Variants in TAFA5 observed in about 807,000 individuals in gnomAD.
TAFA5 encodes TAFA chemokine like family member 5.
In TAFA5, 6 loss-of-function variants were observed where a neutral mutation model predicts 15.3. The observed-to-expected ratio is 0.39, with a 90% CI of 0.21 to 0.77. The LOEUF is 0.77. TAFA5 is among the 30% of genes least tolerant of loss of function. The pLI, the probability that TAFA5 is intolerant of heterozygous loss-of-function variation, is 0.41. For synonymous variants in TAFA5, 103 were observed against 80.7 expected (o/e 1.28, Z -1.48); for missense variants, 161 against 193.1 (o/e 0.83, Z 0.98).
chr22:48,695,513 C>A (rs781702319), intron 2 of TAFA5, among the ~76,000 whole-genome samples: 4 of 152,208 alleles, frequency 2.6e-5, no homozygotes, highest in Non-Finnish European at 5.9e-5. Flanking sequence ...CACCTCGGGG[C>A]TTGGGTGTTG....
At chr22:48,684,092 C>T (rs955050861) in intron 2 of TAFA5, among the ~76,000 whole-genome samples, 3 of 152,010 alleles carry the variant, frequency 2.0e-5, no homozygotes, top group African/African-American at 7.2e-5. Flanking sequence ...TTATGATTTT[C>T]CCAAGGCCCC....
intron 1 of TAFA5, among the ~76,000 whole-genome samples, chr22:48,606,716 C>T (rs1925206345): frequency 6.6e-6 from 1 of 152,198 alleles, no homozygotes; most frequent in Admixed American, 6.5e-5. Flanking sequence ...TTAGCGATCG[C>T]TGCTTAGGAG....
intron 3 of TAFA5, among the ~76,000 whole-genome samples, chr22:48,731,802 A>G (rs116391505): frequency 0.011 from 1,675 of 152,358 alleles, 29 homozygotes; most frequent in African/African-American, 0.038. Flanking sequence ...TGCTGTGTTC[A>G]TGCTGCTAAC....
At chr22:48,621,039 C>CCCAA (rs1925810804) in intron 1 of TAFA5, among the ~76,000 whole-genome samples, 1 of 34,748 alleles carries the variant, frequency 2.9e-5, no homozygotes. Context: ...CATCCACCCT[C>CCCAA]CCACCCATCC....
At chr22:48,539,179 T>G (rs1922273316) in intron 1 of TAFA5, 2 of 309,476 alleles carry the variant, frequency 6.5e-6, no homozygotes, top group East Asian at 1.6e-4. Context: ...CTTGGTTTCT[T>G]GGTAAATAAT....
At chr22:48,739,312 T>TA (rs1467404457) in intron 3 of TAFA5, among the ~76,000 whole-genome samples, 1 of 152,184 alleles carries the variant, frequency 6.6e-6, no homozygotes, top group Non-Finnish European at 1.5e-5. Flanking sequence ...AACCAAGAAA[T>TA]ATGTGTTCTT....
chr22:48,581,725 A>G (rs2147146633), intron 1 of TAFA5, among the ~76,000 whole-genome samples: 1 of 152,308 alleles, frequency 6.6e-6, no homozygotes, highest in African/African-American at 2.4e-5. Context: ...ATGCATAACT[A>G]AATGCTCATA....
At chr22:48,492,293 CTT>C (rs1173930877) in intron 1 of TAFA5, among the ~76,000 whole-genome samples, 1 of 152,080 alleles carries the variant, frequency 6.6e-6, no homozygotes, top group Non-Finnish European at 1.5e-5. Flanking sequence ...CTCAAAATGT[CTT>C]TGTGTTATGA....
rs1489181922 is a variant in TAFA5 at position 48,566,831 on chromosome 22, T to G, written c.112+77127T>G. Among the ~76,000 whole-genome samples the G allele has an allele frequency of 6.6e-6, 1 of 152,242 alleles. No homozygotes were observed. The highest frequency in any genetic ancestry group is 1.5e-5 in the Non-Finnish European group (1 of 68,034). ...AGCATTTTTCAAAGCCCTGGGTCCA[T>G]GCAGCCCTTGTGGTTCTGCAGCTTT... On this transcript the variant is annotated intron_variant, in intron 1 of 3. Coordinates refer to ENST00000402357, the MANE Select transcript of TAFA5 (RefSeq NM_001082967.3). The surrounding 1 kb of genome is among the most constrained non-coding windows in gnomAD (Gnocchi z 4.5).
In TAFA5 at chr22:48,585,624, C is replaced by A. The variant is rs544351902; in HGVS notation, c.113-60973C>A. On this transcript the variant is annotated intron_variant, in intron 1 of 3. Transcript: ENST00000402357. ...ACCACACACAACAAAATACACCACA[C>A]ACACTAGACATCACACACACACTAT... Among the ~76,000 whole-genome samples, 22 of 151,746 alleles carry A rather than the reference C, an allele frequency of 1.4e-4. No individual in the cohort carries two copies. The South Asian group carries it at 4.0e-3, about 27-fold the overall frequency.
At chr22:48,637,455 G>A (rs1292449283) in intron 1 of TAFA5, among the ~76,000 whole-genome samples, 2 of 152,080 alleles carry the variant, frequency 1.3e-5, no homozygotes, top group Non-Finnish European at 2.9e-5. Flanking sequence ...TTGTCTCTTG[G>A]CCTCGGTCCA....
chr22:48,498,335 G>A (rs939411596), intron 1 of TAFA5, among the ~76,000 whole-genome samples: 3 of 152,000 alleles, frequency 2.0e-5, no homozygotes, highest in African/African-American at 7.3e-5. Context: ...CCTAGGGGTG[G>A]GGCTGAAGAG....
intron 3 of TAFA5, among the ~76,000 whole-genome samples, chr22:48,743,941 A>G (rs1240667342): frequency 2.0e-5 from 3 of 152,228 alleles, no homozygotes; most frequent in African/African-American, 7.2e-5. Flanking sequence ...GTCTGGCTTC[A>G]GTGATCACAC....
intron 2 of TAFA5, among the ~76,000 whole-genome samples, chr22:48,694,054 G>T (rs7291345): frequency 6.6e-6 from 1 of 152,042 alleles, no homozygotes; most frequent in African/African-American, 2.4e-5. Flanking sequence ...CAGGCCACGC[G>T]GAGGCTGACT....
At chr22:48,563,468 C>A (rs1008100214) in intron 1 of TAFA5, among the ~76,000 whole-genome samples, 1 of 152,202 alleles carries the variant, frequency 6.6e-6, no homozygotes, top group Admixed American at 6.5e-5. Context: ...GGCCGCATAT[C>A]TGAGTGTCTG....
At chr22:48,693,174 C>T in intron 2 of TAFA5, 3 of 936,606 alleles carry the variant, frequency 3.2e-6, no homozygotes, top group Non-Finnish European at 4.8e-6. Context: ...AAAATACGTC[C>T]TTGTCTGCCT....
At chr22:48,688,532 C>G (rs1012930236) in intron 2 of TAFA5, among the ~76,000 whole-genome samples, 1 of 152,236 alleles carries the variant, frequency 6.6e-6, no homozygotes, top group Non-Finnish European at 1.5e-5. Context: ...GCTCCTGCCC[C>G]CTGAGGGCCA....
At chr22:48,576,451 CG>C in intron 1 of TAFA5, 3 of 1,380,958 alleles carry the variant, frequency 2.2e-6, no homozygotes, top group Admixed American at 2.5e-5. Context: ...TGCGCGACTT[CG>C]GGGGCGTCGG....
intron 1 of TAFA5, among the ~76,000 whole-genome samples, chr22:48,579,224 G>A (rs1057458297): frequency 2.0e-5 from 3 of 152,288 alleles, no homozygotes; most frequent in African/African-American, 4.8e-5. Context: ...TTGCAGCCTC[G>A]GTATGTCCCA....
Sources: gnomAD v4.1 joint callset for allele counts (sites outside exome capture counted in the v4.1 genomes callset) on GRCh38, gnomAD v4.1.1 for gene constraint, Gnocchi (gnomAD v3.1) non-coding constraint, MANE v1.5 for transcripts, NCBI Gene and HGNC (gene_info 2026-07-23, HGNC 2026-07-21) for gene names.